The following EBF4 variants were observed in gnomAD, a reference collection of about 807,000 sequenced individuals.
EBF4 encodes the protein transcription factor COE4.
EBF4 carries 34 observed loss-of-function variants against 67.1 expected under a neutral mutation model. The ratio of observed to expected loss-of-function variants is 0.51; its 90% CI spans 0.39 to 0.67. EBF4 has a LOEUF of 0.67. Ranked by LOEUF, EBF4 falls within the 30% of genes least tolerant of loss-of-function variation. EBF4 has a pLI of 0.00. For synonymous variants in EBF4, 387 were observed against 377.7 expected, an observed-to-expected ratio of 1.02 and a Z score of -0.29; for missense variants, 837 against 873.3, an observed-to-expected ratio of 0.96 and a Z score of 0.52.
chr20:2,702,066 G>T (rs1022060188), intron 1 of EBF4, among the ~76,000 whole-genome samples: 6 of 152,226 alleles, frequency 3.9e-5, no homozygotes, highest in Non-Finnish European at 5.9e-5. Flanking sequence ...GGGGTGGAGG[G>T]AGCAGGGAAA....
At chr20:2,723,046 A>T (rs1883808) in intron 6 of EBF4, among the ~76,000 whole-genome samples, 1 of 151,992 alleles carries the variant, frequency 6.6e-6, no homozygotes, top group Non-Finnish European at 1.5e-5. Flanking sequence ...CTCCCGCATG[A>T]GTTTTCAGCT....
intron 6 of EBF4, among the ~76,000 whole-genome samples, chr20:2,730,533 C>G (rs1046922381): frequency 6.6e-5 from 10 of 152,232 alleles, no homozygotes; most frequent in Non-Finnish European, 1.3e-4. Flanking sequence ...TTTGGGGGGG[C>G]CACCATTCAA....
intron 1 of EBF4, among the ~76,000 whole-genome samples, chr20:2,701,776 G>A (rs764713379): frequency 1.3e-5 from 2 of 152,168 alleles, no homozygotes; most frequent in Non-Finnish European, 2.9e-5. Flanking sequence ...GGATATAAAA[G>A]CCACAGGGAC....
chr20:2,724,085 G>A (rs1169954880), intron 6 of EBF4, among the ~76,000 whole-genome samples: 2 of 152,112 alleles, frequency 1.3e-5, no homozygotes, highest in African/African-American at 2.4e-5. Context: ...TGTTGGAGCT[G>A]GTTTATACTG....
chr20:2,698,057 G>A (rs568220872), intron 1 of EBF4, among the ~76,000 whole-genome samples: 1 of 152,330 alleles, frequency 6.6e-6, no homozygotes, highest in Admixed American at 6.5e-5. Flanking sequence ...CCTGTGGGTG[G>A]GTGGCGAGAG....
At chr20:2,693,173 CGCGG>C (rs564691290), upstream of EBF4, 518 of 141,626 alleles carry the variant, frequency 3.7e-3, 5 homozygotes, top group Non-Finnish European at 6.0e-3. This position sits in a 1 kb window ranked among gnomAD's most constrained non-coding sequence, Gnocchi z 4.6. Context: ...GCGCTGGCGC[CGCGG>C]GCGGGCGGGC....
rs1395190454 is a variant in EBF4, at chr20:2,705,746, T to C, written c.294+13T>C. The C allele has an allele frequency of 1.3e-6, 2 of 1,542,538 alleles. No individual in the cohort carries two copies. The highest frequency in any genetic ancestry group is 1.2e-5 in the South Asian group (1 of 82,740). On this transcript the variant is annotated intron_variant, in intron 2 of 16. Coordinates refer to ENST00000609451, the Ensembl canonical transcript of EBF4. Reference sequence around the variant, plus strand: ...GGAAAAGGACCGAGTGAGAGGCTCATGGGCTTGGCTGGGACTGGCCCCGGG... The same window carrying C: ...GGAAAAGGACCGAGTGAGAGGCTCACGGGCTTGGCTGGGACTGGCCCCGGG...
exon 9 of EBF4, chr20:2,749,726 G>A: frequency 1.3e-6 from 2 of 1,550,122 alleles, no homozygotes; most frequent in Non-Finnish European, 1.7e-6. Context: ...TGCAGGTCGT[G>A]TTCGGAAACG....
intron 6 of EBF4, among the ~76,000 whole-genome samples, chr20:2,735,483 T>C (rs6051344): frequency 0.32 from 48,340 of 152,118 alleles, 8,322 homozygotes; most frequent in African/African-American, 0.46. Flanking sequence ...TGTTAATTTT[T>C]AGAGTTCTGA....
chr20:2,693,771 C>A lies in EBF4; in HGVS notation c.126C>A (p.Thr42=). Residue 42 remains threonine, a synonymous_variant, in exon 1 of 17, where the codon ACC becomes ACA. Coordinates refer to ENST00000609451, the Ensembl canonical transcript of EBF4. The surrounding 1 kb of genome is among the most constrained non-coding windows in gnomAD (Gnocchi z 4.6). ...GCGCGGGCATCCTGGACGCCAGCACCGCGGCGCAGAGGTAAGCGCTCGGAC... is the reference window on the plus strand; with the variant it reads ...GCGCGGGCATCCTGGACGCCAGCACAGCGGCGCAGAGGTAAGCGCTCGGAC... The A allele has an allele frequency of 6.7e-6, 9 of 1,333,940 alleles. No homozygotes were observed. The highest frequency in any genetic ancestry group is 8.6e-6 in the Non-Finnish European group (9 of 1,044,212). The allele number at this position is 1,333,940 out of a possible 1,614,324, so 82.6% of individuals were successfully genotyped here. A position where few individuals can be genotyped will look rare whatever the true frequency, so the allele number is the denominator to read the frequency against.
At chr20:2,697,907 A>G (rs904733020) in intron 1 of EBF4, among the ~76,000 whole-genome samples, 1 of 152,154 alleles carries the variant, frequency 6.6e-6, no homozygotes, top group Non-Finnish European at 1.5e-5. Context: ...ATCCCTGCAC[A>G]CTAGCAGGGC....
chr20:2,737,964 C>CAAA (rs5839970), intron 6 of EBF4, among the ~76,000 whole-genome samples: 8 of 131,752 alleles, frequency 6.1e-5, no homozygotes, highest in Non-Finnish European at 1.3e-4. Flanking sequence ...GACTCCATTT[C>CAAA]AAAAAAAAAA....
At chr20:2,724,924 C>T (rs1020296804) in intron 6 of EBF4, among the ~76,000 whole-genome samples, 1 of 152,038 alleles carries the variant, frequency 6.6e-6, no homozygotes, top group African/African-American at 2.4e-5. Context: ...AAGAAAAGTT[C>T]AGCATAATTG....
At position 2,745,742 on chromosome 20, in the gene EBF4, T is replaced by G. The variant is rs545569428; in HGVS notation, c.558-2807T>G. ...TAGAAGGTGTCACGGCAGCCGTCAATCGCTACTCTCCCTTCATGGGTGTGG... is the reference window on the plus strand; with the variant it reads ...TAGAAGGTGTCACGGCAGCCGTCAAGCGCTACTCTCCCTTCATGGGTGTGG... On this transcript the variant is annotated intron_variant, in intron 6 of 16. Transcript: ENST00000609451. The surrounding 1 kb of genome is among the most constrained non-coding windows in gnomAD (Gnocchi z 5.2). Among the ~76,000 whole-genome samples the G allele has an allele frequency of 1.8e-4, 28 of 152,216 alleles. No individual in the cohort carries two copies. Among genetic ancestry groups the G allele is most frequent in the African/African-American group, 6.7e-4 (28 of 41,536 alleles).
Position 2,707,807 on chromosome 20 carries a change from A to C in EBF4, c.415-140A>C. 1 of 788,088 alleles carries C rather than the reference A, an allele frequency of 1.3e-6. No individual in the cohort carries two copies. The allele number at this position is 788,088 out of a possible 1,614,324, so 48.8% of individuals were successfully genotyped here. On this transcript the variant is annotated intron_variant, in intron 4 of 16. Transcript: ENST00000609451. The surrounding 1 kb of genome is among the most constrained non-coding windows in gnomAD (Gnocchi z 4.6). ...GTTATCCCCCGCCTGGGCAGCCCAG[A>C]GCAAGGCAGAGGGCGTGCTCTTCCC...
chr20:2,696,304 T>C lies in EBF4; in HGVS notation c.137+2522T>C, dbSNP rs989806577. 1.3e-5 allele frequency among the ~76,000 whole-genome samples: 2 copies of C among 152,080 alleles called. No individual in the cohort carries two copies. Among genetic ancestry groups the C allele is most frequent in the Non-Finnish European group, 2.9e-5 (2 of 68,024 alleles). ...CTAGCCAACATGGTGAAACCCTGTC[T>C]CTACTAATAATACAAAAATTAGCTG... On this transcript the variant is annotated intron_variant, in intron 1 of 16. Coordinates refer to ENST00000609451, the Ensembl canonical transcript of EBF4. The surrounding 1 kb of genome is among the most constrained non-coding windows in gnomAD (Gnocchi z 4.7).
chr20:2,706,059 A>G (rs1463502555), intron 3 of EBF4, 22 bp downstream of exon 3: 1 of 1,551,068 alleles, frequency 6.4e-7, no homozygotes, highest in Admixed American at 2.0e-5. Context: ...CCCCTGCCCT[A>G]CCCAGCCCTG....
chr20:2,753,537 G>C (rs973223914), intron 14 of EBF4, among the ~76,000 whole-genome samples: 2 of 152,370 alleles, frequency 1.3e-5, no homozygotes, highest in South Asian at 4.1e-4. Flanking sequence ...TCACCTGCAA[G>C]AAGCCTCCCT....
intron 1 of EBF4, among the ~76,000 whole-genome samples, chr20:2,694,772 C>T (rs1005492911): frequency 5.3e-5 from 8 of 152,146 alleles, no homozygotes; most frequent in Non-Finnish European, 1.0e-4. Flanking sequence ...CTCCGCAGGA[C>T]GCCTCAACCT....
Sources: gnomAD v4.1 joint callset for allele counts (sites outside exome capture counted in the v4.1 genomes callset) on GRCh38, gnomAD v4.1.1 for gene constraint, Gnocchi (gnomAD v3.1) non-coding constraint, MANE v1.5 for transcripts, NCBI Gene and HGNC (gene_info 2026-07-23, HGNC 2026-07-21) for gene names.